The following BRI3BP variants were observed in gnomAD, a reference collection of about 807,000 sequenced individuals.
BRI3BP encodes BRI3-binding protein.
BRI3BP carries 7 observed loss-of-function variants against 15.8 expected under a neutral mutation model. The ratio of observed to expected loss-of-function variants is 0.44; its 90% CI spans 0.25 to 0.83. BRI3BP has a LOEUF of 0.83. Ranked by LOEUF, BRI3BP falls within the 40% of genes least tolerant of loss-of-function variation. The pLI, the probability that BRI3BP is intolerant of heterozygous loss-of-function variation, is 0.20. For synonymous variants in BRI3BP, 192 were observed against 163.5 expected, an observed-to-expected ratio of 1.17 and a Z score of -1.33; for missense variants, 320 against 339.3, an observed-to-expected ratio of 0.94 and a Z score of 0.45.
In BRI3BP at chr12:125,026,172, A is replaced by G. The variant is rs73231614; in HGVS notation, c.*742A>G. On this transcript the variant is annotated 3_prime_UTR_variant, in exon 3 of 3. Coordinates refer to ENST00000341446, the MANE Select transcript of BRI3BP (RefSeq NM_080626.6). ...TTTTAACCTCAACATTTTGAAACGG[A>G]AAATGCAAGGAGGGGCCAAGAAATG... is the stretch of plus-strand genomic sequence containing the variant. 0.039 allele frequency: 5,866 copies of G among 152,286 alleles called. 135 individuals carry two copies. Among genetic ancestry groups the G allele is most frequent in the Admixed American group, 0.062 (945 of 15,296 alleles). 9.4% of individuals were successfully genotyped at this position (152,286 alleles called of 1,614,324 possible).
chr12:125,023,084 C>T (rs1955314928), intron 2 of BRI3BP, among the ~76,000 whole-genome samples: 1 of 152,196 alleles, frequency 6.6e-6, no homozygotes, highest in Non-Finnish European at 1.5e-5. Context: ...TTACATTTCA[C>T]TGCATTCTTG....
intron 1 of BRI3BP, among the ~76,000 whole-genome samples, chr12:125,007,698 C>G (rs1955157158): frequency 6.7e-6 from 1 of 148,870 alleles, no homozygotes; most frequent in Non-Finnish European, 1.5e-5. Context: ...CCAGGCTGGG[C>G]AACAGAGCAA....
downstream of BRI3BP, among the ~76,000 whole-genome samples, chr12:125,031,512 C>T (rs573926962): frequency 2.0e-4 from 31 of 151,842 alleles, 1 homozygote; most frequent in African/African-American, 7.5e-4. Context: ...TGATGCGTGC[C>T]TCTCCACCCC....
At chr12:125,020,622 A>T (rs1026946362) in intron 2 of BRI3BP, among the ~76,000 whole-genome samples, 1 of 152,238 alleles carries the variant, frequency 6.6e-6, no homozygotes, top group Admixed American at 6.5e-5. Flanking sequence ...ACAGTGGCTC[A>T]TCTGGTAATC....
At chr12:124,999,462 C>A (rs541706517) in intron 1 of BRI3BP, among the ~76,000 whole-genome samples, 1 of 152,086 alleles carries the variant, frequency 6.6e-6, no homozygotes, top group African/African-American at 2.4e-5. Context: ...CTCCCTCTGT[C>A]GCCCAGGCTG....
intron 1 of BRI3BP, among the ~76,000 whole-genome samples, chr12:125,004,852 C>G (rs1460312863): frequency 6.6e-6 from 1 of 151,992 alleles, no homozygotes; most frequent in Non-Finnish European, 1.5e-5. Context: ...ATTGATCAGG[C>G]CTTTTTCTTT....
chr12:124,994,050 G>C, intron 1 of BRI3BP, 47 bp downstream of exon 1: 1 of 1,190,980 alleles, frequency 8.4e-7, no homozygotes, highest in Non-Finnish European at 1.1e-6. Context: ...CGGTCGCCAC[G>C]CACCTGGCTA....
At chr12:125,011,547 G>T (rs942590281) in intron 1 of BRI3BP, among the ~76,000 whole-genome samples, 1 of 152,148 alleles carries the variant, frequency 6.6e-6, no homozygotes, top group African/African-American at 2.4e-5. Flanking sequence ...CTGTACACCT[G>T]TGCTGCCATT....
Position 124,998,138 on chromosome 12 carries a change from A to C in BRI3BP, c.213+4135A>C, listed in dbSNP as rs1012819292. 1.8e-4 allele frequency among the ~76,000 whole-genome samples: 27 copies of C among 152,072 alleles called. No homozygotes were observed. In the South Asian group the frequency reaches 3.1e-3, roughly 18 times the overall value. On this transcript the variant is annotated intron_variant, in intron 1 of 2. Coordinates refer to ENST00000341446, the MANE Select transcript of BRI3BP (RefSeq NM_080626.6). ...AAACTCCGTCTCAAAAAAAAAAAAAAAAAATTAGCTGGGCGTGGTGGTGCA... is the reference window on the plus strand; with the variant it reads ...AAACTCCGTCTCAAAAAAAAAAAAACAAAATTAGCTGGGCGTGGTGGTGCA...
intron 1 of BRI3BP, among the ~76,000 whole-genome samples, chr12:124,997,627 G>A (rs1594525252): frequency 6.6e-6 from 1 of 152,122 alleles, no homozygotes; most frequent in East Asian, 1.9e-4. Context: ...TTAGTAAATG[G>A]TAGAATATTT....
chr12:125,001,545 G>A lies in BRI3BP; in HGVS notation c.213+7542G>A, dbSNP rs116399272. Among the ~76,000 whole-genome samples the A allele has an allele frequency of 4.3e-3, 652 of 151,820 alleles. 4 individuals are homozygous for A. The highest frequency in any genetic ancestry group is 0.015 in the African/African-American group (608 of 41,388). ...TATTTATTTATTTATTGTATTTTTC[G>A]TAGAGACAGGATTTCTCCTCGAAAT... On this transcript the variant is annotated intron_variant, in intron 1 of 2. Transcript: ENST00000341446.
chr12:125,032,816 G>A (rs943587349), downstream of BRI3BP, among the ~76,000 whole-genome samples: 5 of 152,158 alleles, frequency 3.3e-5, no homozygotes, highest in South Asian at 2.1e-4. Context: ...AGCAACATTC[G>A]AATTAAACAC....
downstream of BRI3BP, among the ~76,000 whole-genome samples, chr12:125,033,646 A>G (rs1347474541): frequency 6.6e-6 from 1 of 152,070 alleles, no homozygotes; most frequent in Non-Finnish European, 1.5e-5. Context: ...CCTTGACAAA[A>G]TAAGCCACTA....
intron 1 of BRI3BP, among the ~76,000 whole-genome samples, chr12:124,999,291 A>G (rs566064260): frequency 6.6e-6 from 1 of 152,148 alleles, no homozygotes; most frequent in Admixed American, 6.6e-5. Flanking sequence ...TCCACTTCCC[A>G]CTACCGACCC....
the BRI3BP span, among the ~76,000 whole-genome samples, chr12:125,049,284 G>A: frequency 6.6e-6 from 1 of 152,162 alleles, no homozygotes; most frequent in Non-Finnish European, 1.5e-5. Flanking sequence ...CTATTCTGTG[G>A]TCCTTTTATT....
Position 125,022,541 on chromosome 12 carries a change from A to ATTTATTTATTTTTT in BRI3BP, c.317-2447_317-2446insATTTATTTTTTTTT. On this transcript the variant is annotated intron_variant, in intron 2 of 2. Coordinates refer to ENST00000341446, the MANE Select transcript of BRI3BP (RefSeq NM_080626.6). ...TTATTATTTATTTATTTATTTATTT[A>ATTTATTTATTTTTT]TTTTTTGAGACAGAGCCTCACTGTG... is the stretch of plus-strand genomic sequence containing the variant. Among the ~76,000 whole-genome samples the ATTTATTTATTTTTT allele has an allele frequency of 4.4e-4, 61 of 139,430 alleles. 1 individual carries two copies. The highest frequency in any genetic ancestry group is 1.4e-3 in the African/African-American group (47 of 34,528). 91.5% of individuals were successfully genotyped at this position (139,430 alleles called of 152,430 possible).
At chr12:125,011,024 G>A (rs1057360312) in intron 1 of BRI3BP, among the ~76,000 whole-genome samples, 1 of 150,684 alleles carries the variant, frequency 6.6e-6, no homozygotes, top group Non-Finnish European at 1.5e-5. Context: ...AACTTGGGAG[G>A]TGGAGGCTGC....
rs754278632 is a variant in BRI3BP, at chr12:124,993,880, G to C, written c.90G>C (p.Pro30=). ...TGCTGCTGCTCGGGCTGCTGGCCCC[G>C]GGCGCGCAGGGGGCGCGGGGCCGCG... ...LLLLLLGLLA[P]GAQGARGRGG... The change falls in exon 1 of 3, where the codon CCG becomes CCC. Residue 30 remains proline, a synonymous_variant. Transcript: ENST00000341446. 1.1e-5 allele frequency: 14 copies of C among 1,236,340 alleles called. No homozygotes were observed. Among genetic ancestry groups the C allele is most frequent in the South Asian group, 5.2e-5 (2 of 38,522 alleles). 76.6% of individuals were successfully genotyped at this position (1,236,340 alleles called of 1,614,324 possible).
At chr12:125,045,377 G>T in the BRI3BP span, among the ~76,000 whole-genome samples, 1 of 152,026 alleles carries the variant, frequency 6.6e-6, no homozygotes, top group Admixed American at 6.6e-5. Flanking sequence ...TCACTCTGTC[G>T]CCCAGGCTGG....
Sources: gnomAD v4.1 joint callset for allele counts (sites outside exome capture counted in the v4.1 genomes callset) on GRCh38, gnomAD v4.1.1 for gene constraint, MANE v1.5 for transcripts, NCBI Gene and HGNC (gene_info 2026-07-23, HGNC 2026-07-21) for gene names.